Variants in ZNF844 observed in about 807,000 individuals in gnomAD.
ZNF844 encodes zinc finger protein 844.
A neutral mutation model predicts 11.4 loss-of-function variants in ZNF844; 11 were observed. The observed-to-expected ratio is 0.97, with a 90% confidence interval of 0.61 to 1.60. ZNF844 has a LOEUF of 1.60. Ranked by LOEUF, ZNF844 falls within the 40% of genes most tolerant of loss-of-function variation. The pLI is 0.00. For missense variants in ZNF844, 790 were observed against 796.8 expected (o/e 0.99, Z 0.10); for synonymous variants, 248 against 260.3 (o/e 0.95, Z 0.46).
In ZNF844 at chr19:12,076,712, G is replaced by A. The variant is rs1331279626; in HGVS notation, c.1592G>A (p.Cys531Tyr). The A allele has an allele frequency of 1.2e-6, 2 of 1,613,022 alleles. No homozygotes were observed. The highest frequency in any genetic ancestry group is 1.7e-6 in the Non-Finnish European group (2 of 1,179,662). ...CMKGLTLESN[C>Y]MNLNNVKKPL... ...AAAGGACTCACACTGGAAAGCAACTGTATGAATCTAAACAATGTGAAAAAA... is the reference window on the plus strand; with the variant it reads ...AAAGGACTCACACTGGAAAGCAACTATATGAATCTAAACAATGTGAAAAAA... The change falls in exon 4 of 4, where the codon TGT (cysteine) becomes TAT (tyrosine). Residue 531 changes from cysteine to tyrosine, a missense_variant. Physicochemically the swap from Cys to Tyr is radical, Grantham distance 194. Around this residue, in one of 3 missense-constraint regions of ZNF844, gnomAD observed 657 missense variants for 636.2 expected, o/e 1.03. Transcript: ENST00000439326.
chr19:12,078,050 C>T lies in ZNF844; in HGVS notation c.*929C>T. 1.2e-5 allele frequency: 2 copies of T among 163,446 alleles called. No homozygotes were observed. Among genetic ancestry groups the T allele is most frequent in the Non-Finnish European group, 2.6e-5 (2 of 75,488 alleles). 10.1% of individuals were successfully genotyped at this position (163,446 alleles called of 1,614,324 possible). A position where few individuals can be genotyped will look rare whatever the true frequency, so the allele number is the denominator to read the frequency against. On this transcript the variant is annotated 3_prime_UTR_variant, in exon 4 of 4. Transcript: ENST00000439326. ...TTCATCGTGTTAGCCAGGATGGTCT[C>T]AATCTCCTGACCTCGTGATCTGCCC...
rs1975811287 is a variant in ZNF844, at chr19:12,076,083, C to T, written c.963C>T (p.Pro321=). Residue 321 remains proline (P), a synonymous_variant, in exon 4 of 4, where the codon CCC becomes CCT. Transcript: ENST00000439326. ...CTKCGKAFKC[P]SYLCRHEVTH... ...AATGTGGGAAAGCATTCAAGTGTCC[C>T]AGTTATCTTTGTAGACATGAAGTGA... is the stretch of plus-strand genomic sequence containing the variant. 6.4e-7 allele frequency: 1 copy of T among 1,564,236 alleles called. No individual in the cohort carries two copies.
rs1419798532 is a variant in ZNF844 at position 12,074,117 on chromosome 19, A to G, written c.90A>G (p.Arg30=). Residue 30 remains arginine (R), a synonymous_variant, in exon 2 of 4, where the codon AGA becomes AGG. Transcript: ENST00000439326. ...ATCCTTCCCAGAAGAATCTCTACAG[A>G]GAAGTGATGCAGGAAACCTTGAGGA... ...LLDPSQKNLY[R]EVMQETLRNL... 1 of 1,613,866 alleles carries G rather than the reference A, an allele frequency of 6.2e-7. No homozygotes were observed. The highest frequency in any genetic ancestry group is 8.5e-7 in the Non-Finnish European group (1 of 1,179,856).
At chr19:12,068,488 C>T (rs930301952) in intron 1 of ZNF844, among the ~76,000 whole-genome samples, 18 of 151,932 alleles carry the variant, frequency 1.2e-4, no homozygotes, top group Admixed American at 3.3e-4. Context: ...AAAAATTAGC[C>T]GGGCATGGTG....
In ZNF844 at chr19:12,076,521, AG is replaced by A; in HGVS notation, c.1403del (p.Gly468AspfsTer9). 6.2e-7 allele frequency: 1 copy of A among 1,610,608 alleles called. No homozygotes were observed. The highest frequency in any genetic ancestry group is 8.5e-7 in the Non-Finnish European group (1 of 1,178,484). On this transcript the variant is annotated frameshift_variant, in exon 4 of 4. Transcript: ENST00000439326. LOFTEE classifies it low-confidence loss of function (END_TRUNC). ...DLPHTFKCME[G>X]LTLKRNPMNV... ...TGCCTCACACCTTCAAATGCATGGA[AG>A]GACTCACACTCAAGAGAAACCCTAT...
Position 12,075,546 on chromosome 19 carries a change from G to A in ZNF844, c.426G>A (p.Lys142=), listed in dbSNP as rs372226699. The A allele has an allele frequency of 2.0e-5, 33 of 1,613,968 alleles. No homozygotes were observed. Among genetic ancestry groups the A allele is most frequent in the Non-Finnish European group, 2.8e-5 (33 of 1,180,028 alleles). Residue 142 remains lysine (K), a synonymous_variant, in exon 4 of 4, where the codon AAG becomes AAA. Coordinates refer to ENST00000439326, the MANE Select transcript of ZNF844 (RefSeq NM_001136501.3). Reference sequence around the variant, plus strand: ...AGGAATATGGACAGGAGCCATATAAGTGTCAACAACGTAAGAAAGCCTTCA... The same window carrying A: ...AGGAATATGGACAGGAGCCATATAAATGTCAACAACGTAAGAAAGCCTTCA... ...EYQEYGQEPY[K]CQQRKKAFRC...
In ZNF844 at chr19:12,077,157, A is replaced by T; in HGVS notation, c.*36A>T. 6.2e-7 allele frequency: 1 copy of T among 1,603,608 alleles called. No individual in the cohort carries two copies. Among genetic ancestry groups the T allele is most frequent in the East Asian group, 2.2e-5 (1 of 44,678 alleles). ...ATGCAAGGAATGTGGCAAAGCCTTC[A>T]CTTCTTCTGGTTCCTTTCAGTGTCA... On this transcript the variant is annotated 3_prime_UTR_variant, in exon 4 of 4. Coordinates refer to ENST00000439326, the MANE Select transcript of ZNF844 (RefSeq NM_001136501.3).
At position 12,075,496 on chromosome 19, in the gene ZNF844, A is replaced by G. The variant is rs776327954; in HGVS notation, c.376A>G (p.Thr126Ala). The G allele has an allele frequency of 1.5e-5, 24 of 1,613,566 alleles. No homozygotes were observed. Among genetic ancestry groups the G allele is most frequent in the East Asian group, 1.1e-4 (5 of 44,834 alleles). Residue 126 changes from threonine to alanine, a missense_variant, in exon 4 of 4, where the codon ACT (threonine) becomes GCT (alanine). By Grantham distance (58) the Thr-to-Ala change is moderately conservative. Around this residue, in one of 3 missense-constraint regions of ZNF844, gnomAD observed 129 missense variants for 144.0 expected, o/e 0.90. Transcript: ENST00000439326. ...CCTTAATAGGCACATTAGAGCTGACACTGCACACAAGCCGTCTGAGTATCA... is the reference window on the plus strand; with the variant it reads ...CCTTAATAGGCACATTAGAGCTGACGCTGCACACAAGCCGTCTGAGTATCA... ...SSLNRHIRAD[T>A]AHKPSEYQEY...
At position 12,075,304 on chromosome 19, in the gene ZNF844, TTTCACAGAAGTC is replaced by T. The variant is rs1975794409; in HGVS notation, c.192-4_199del. On this transcript the variant is annotated splice_acceptor_variant and splice_polypyrimidine_tract_variant and coding_sequence_variant and intron_variant, in exon 4 of 4. Coordinates refer to ENST00000439326, the MANE Select transcript of ZNF844 (RefSeq NM_001136501.3). LOFTEE classifies it high-confidence loss of function. ...AACCTTCAATAATGTGTTTCTCATT[TTTCACAGAAGTC>T]TTCTGGGAGAGAGAGTTGATGAAAA... 7.2e-7 allele frequency: 1 copy of T among 1,387,580 alleles called. No individual in the cohort carries two copies. Among genetic ancestry groups the T allele is most frequent in the Non-Finnish European group, 9.4e-7 (1 of 1,065,116 alleles). The allele number at this position is 1,387,580 out of a possible 1,614,324, so 86.0% of individuals were successfully genotyped here. A position where few individuals can be genotyped will look rare whatever the true frequency, so the allele number is the denominator to read the frequency against.
intron 1 of ZNF844, among the ~76,000 whole-genome samples, chr19:12,068,245 G>T (rs995483316): frequency 2.4e-4 from 36 of 152,184 alleles, no homozygotes; most frequent in African/African-American, 8.4e-4. Flanking sequence ...AGAGGTGGAG[G>T]CTGCAGTGAG....
Position 12,074,177 on chromosome 19 carries a change from G to T in ZNF844, c.130+20G>T. 1 of 1,612,542 alleles carries T rather than the reference G, an allele frequency of 6.2e-7. No homozygotes were observed. The highest frequency in any genetic ancestry group is 1.3e-5 in the African/African-American group (1 of 74,920). On this transcript the variant is annotated intron_variant, in intron 2 of 3. Coordinates refer to ENST00000439326, the MANE Select transcript of ZNF844 (RefSeq NM_001136501.3). The stretch of plus-strand genomic sequence containing the variant: ...CCATAGGTAAGAATGACAGTATTAC[G>T]TCCCCCAGTGAATGAGACAAGTGTT...
At position 12,080,659 on chromosome 19, in the gene ZNF844, G is replaced by A. The variant is rs1262291160; in HGVS notation, c.*3538G>A. ...GCTCCACATTAAAGATCCATCAGTG[G>A]TTAAGGGCAAATTGAAGAGAAATAA... On this transcript the variant is annotated 3_prime_UTR_variant, in exon 4 of 4. Transcript: ENST00000439326. The A allele has an allele frequency of 6.5e-6, 1 of 154,214 alleles. No homozygotes were observed. Among genetic ancestry groups the A allele is most frequent in the East Asian group, 1.9e-4 (1 of 5,222 alleles). The allele number at this position is 154,214 out of a possible 1,614,324, so 9.6% of individuals were successfully genotyped here. A position where few individuals can be genotyped will look rare whatever the true frequency, so the allele number is the denominator to read the frequency against.
chr19:12,075,664 T>G lies in ZNF844; in HGVS notation c.544T>G (p.Ser182Ala). 1 of 1,612,034 alleles carries G rather than the reference T, an allele frequency of 6.2e-7. No homozygotes were observed. The change falls in exon 4 of 4, where the codon TCA becomes GCA. Residue 182 changes from serine (S) to alanine (A), a missense_variant. By Grantham distance (99) the Ser-to-Ala change is moderately conservative (BLOSUM62 1). Coordinates refer to ENST00000439326, the MANE Select transcript of ZNF844 (RefSeq NM_001136501.3). ...ATGTGGAAAAACCTTCATATCCCATTCAAGCATTCAAAGACACATGATAAT... is the reference window on the plus strand; with the variant it reads ...ATGTGGAAAAACCTTCATATCCCATGCAAGCATTCAAAGACACATGATAAT... ...KECGKTFISHSSIQRHMIMHN... is the reference protein window; with the variant it reads ...KECGKTFISHASIQRHMIMHN...
rs61413798 is a variant in ZNF844, at chr19:12,080,346, CAAAAA to C, written c.*3241_*3245del. The C allele has an allele frequency of 2.8e-3, 486 of 171,694 alleles. No homozygotes were observed. The highest frequency in any genetic ancestry group is 3.8e-3 in the South Asian group (90 of 23,602). 10.6% of individuals were successfully genotyped at this position (171,694 alleles called of 1,614,324 possible). ...GCGGCGACAGAGCAAGACTCCGTCT[CAAAAA>C]AAAAAAAAAAAAAAAGAGAAGTCTG... On this transcript the variant is annotated 3_prime_UTR_variant, in exon 4 of 4. Coordinates refer to ENST00000439326, the MANE Select transcript of ZNF844 (RefSeq NM_001136501.3).
chr19:12,075,899 A>C lies in ZNF844; in HGVS notation c.779A>C (p.Lys260Thr). ...EKPYECKECG[K>T]AFGSPNSLYE... ...CCTTATGAATGTAAGGAATGTGGGAAAGCATTCGGTAGTCCCAATTCCCTT... is the reference window on the plus strand; with the variant it reads ...CCTTATGAATGTAAGGAATGTGGGACAGCATTCGGTAGTCCCAATTCCCTT... The change falls in exon 4 of 4, where the codon AAA becomes ACA. Residue 260 changes from lysine (K) to threonine (T), a missense_variant. Lys to Thr is a moderately conservative substitution (Grantham distance 78). This residue lies in a region of ZNF844 where 657 missense variants were observed against 636.2 expected (regional missense o/e 1.03). Transcript: ENST00000439326. 6.2e-7 allele frequency: 1 copy of C among 1,608,716 alleles called. No homozygotes were observed. The highest frequency in any genetic ancestry group is 8.5e-7 in the Non-Finnish European group (1 of 1,177,022).
Position 12,077,382 on chromosome 19 carries a change from G to A in ZNF844, c.*261G>A. 1 of 763,484 alleles carries A rather than the reference G, an allele frequency of 1.3e-6. No homozygotes were observed. Among genetic ancestry groups the A allele is most frequent in the Non-Finnish European group, 2.3e-6 (1 of 429,516 alleles). 47.3% of individuals were successfully genotyped at this position (763,484 alleles called of 1,614,324 possible). A position where few individuals can be genotyped will look rare whatever the true frequency, so the allele number is the denominator to read the frequency against. ...GACTCACACTGGAGAGAAACAGTATGAGTGTAAGCAGTGTGGTAAAGCCTT... is the reference window on the plus strand; with the variant it reads ...GACTCACACTGGAGAGAAACAGTATAAGTGTAAGCAGTGTGGTAAAGCCTT... On this transcript the variant is annotated 3_prime_UTR_variant, in exon 4 of 4. Coordinates refer to ENST00000439326, the MANE Select transcript of ZNF844 (RefSeq NM_001136501.3).
At chr19:12,073,175 T>C (rs1975769726) in intron 1 of ZNF844, among the ~76,000 whole-genome samples, 1 of 152,064 alleles carries the variant, frequency 6.6e-6, no homozygotes, top group Non-Finnish European at 1.5e-5. Context: ...CTTTTTTTTT[T>C]TGAGACAGAG....
chr19:12,080,033 A>G lies in ZNF844; in HGVS notation c.*2912A>G. On this transcript the variant is annotated 3_prime_UTR_variant, in exon 4 of 4. Transcript: ENST00000439326. ...AGAGACACTAGAGAGAAACCCTCTGAGATAACTGACTGTTGAATTAAGAAG... is the reference window on the plus strand; with the variant it reads ...AGAGACACTAGAGAGAAACCCTCTGGGATAACTGACTGTTGAATTAAGAAG... The G allele has an allele frequency of 6.5e-6, 1 of 152,912 alleles. No homozygotes were observed. Among genetic ancestry groups the G allele is most frequent in the Non-Finnish European group, 1.5e-5 (1 of 68,696 alleles). The allele number at this position is 152,912 out of a possible 1,614,324, so 9.5% of individuals were successfully genotyped here.
chr19:12,078,729 C>T lies in ZNF844; in HGVS notation c.*1608C>T, dbSNP rs546286484. ...ACCTGTCTTCAAAGAGGGTATAATT[C>T]ACAAAAGGACTTACACTAGAGGAAA... On this transcript the variant is annotated 3_prime_UTR_variant, in exon 4 of 4. Transcript: ENST00000439326. 2.0e-5 allele frequency: 3 copies of T among 152,430 alleles called. No homozygotes were observed. In the South Asian group the frequency reaches 6.2e-4, roughly 32 times the overall value. The allele number at this position is 152,430 out of a possible 1,614,324, so 9.4% of individuals were successfully genotyped here.
Sources: allele counts gnomAD v4.1 joint callset (sites outside exome capture counted in the v4.1 genomes callset), GRCh38; gene constraint gnomAD v4.1.1; regional missense constraint gnomAD v4.1.1; transcripts MANE v1.5; gene names NCBI Gene and HGNC (gene_info 2026-07-23, HGNC 2026-07-21).